Variants in GRIA4 observed in about 807,000 individuals in gnomAD.
GRIA4 encodes glutamate ionotropic receptor AMPA type subunit 4.
Under a neutral mutation model 104.0 loss-of-function variants are expected in GRIA4, and 34 were observed. The ratio of observed to expected loss-of-function variants is 0.33; its 90% CI spans 0.25 to 0.44. GRIA4 has a LOEUF of 0.44. Among genes scored for constraint, GRIA4 ranks in the 20% least tolerant of loss-of-function variants. The pLI is 1.00. For synonymous variants in GRIA4, 386 were observed against 381.9 expected (o/e 1.01, Z -0.13); for missense variants, 750 against 1,096.5 (o/e 0.68, Z 4.46).
intron 4 of GRIA4, among the ~76,000 whole-genome samples, chr11:105,801,311 C>T (rs1365017297): frequency 6.6e-6 from 1 of 151,400 alleles, no homozygotes; most frequent in Non-Finnish European, 1.5e-5. Context: ...AATGTTAAGC[C>T]TCAATAAACT....
chr11:105,656,507 G>T (rs1245703613), intron 3 of GRIA4, among the ~76,000 whole-genome samples: 2 of 152,014 alleles, frequency 1.3e-5, no homozygotes, highest in Admixed American at 6.6e-5. Flanking sequence ...GCCAACAAAA[G>T]CCAAAATTGA....
intron 3 of GRIA4, among the ~76,000 whole-genome samples, chr11:105,752,228 C>T (rs1439493381): frequency 6.6e-6 from 1 of 152,148 alleles, no homozygotes; most frequent in East Asian, 1.9e-4. Flanking sequence ...AGGCCGTGTA[C>T]CTGTTTCTCT....
chr11:105,612,339 A>G lies in GRIA4; in HGVS notation c.152A>G (p.His51Arg). ...YTAFRLAIFL[H>R]NTSPNASEAP... Reference sequence around the variant, plus strand: ...GCTTTTCGATTAGCAATTTTTCTTCATAACACCAGCCCCAATGCGTCGGAA... The same window carrying G: ...GCTTTTCGATTAGCAATTTTTCTTCGTAACACCAGCCCCAATGCGTCGGAA... Residue 51 changes from histidine to arginine, a missense_variant, in exon 3 of 17, where the codon CAT becomes CGT. His to Arg is a conservative substitution (Grantham distance 29). Around this residue, in one of 3 missense-constraint regions of GRIA4, gnomAD observed 410 missense variants for 502.7 expected, o/e 0.82. Transcript: ENST00000282499. 2 of 1,614,132 alleles carry G rather than the reference A, an allele frequency of 1.2e-6. No homozygotes were observed. Among genetic ancestry groups the G allele is most frequent in the African/African-American group, 1.3e-5 (1 of 75,068 alleles).
Position 105,924,696 on chromosome 11 carries a change from G to A in GRIA4, c.1774G>A (p.Glu592Lys), listed in dbSNP as rs1298038187. The change falls in exon 12 of 17, where the codon GAG (glutamate) becomes AAG (lysine). Residue 592 changes from glutamate to lysine, a missense_variant. Glu to Lys is a moderately conservative substitution (Grantham distance 56). Around this residue, in one of 3 missense-constraint regions of GRIA4, gnomAD observed 272 missense variants for 524.5 expected, o/e 0.52. Coordinates refer to ENST00000282499, the MANE Select transcript of GRIA4 (RefSeq NM_000829.4). ...KEGPSDQPPN[E>K]FGIFNSLWFS... ...AGGACCCAGCGACCAGCCTCCCAATGAGTTTGGCATCTTTAACAGCCTCTG... is the reference window on the plus strand; with the variant it reads ...AGGACCCAGCGACCAGCCTCCCAATAAGTTTGGCATCTTTAACAGCCTCTG... 5 of 1,612,742 alleles carry A rather than the reference G, an allele frequency of 3.1e-6. No individual in the cohort carries two copies. The highest frequency in any genetic ancestry group is 1.3e-5 in the African/African-American group (1 of 74,956).
intron 3 of GRIA4, among the ~76,000 whole-genome samples, chr11:105,642,311 A>T (rs774154096): frequency 6.6e-6 from 1 of 152,116 alleles, no homozygotes; most frequent in Non-Finnish European, 1.5e-5. Flanking sequence ...GTTAAACTGC[A>T]TCATTCATGG....
At chr11:105,938,236 T>A (rs970629799) in intron 14 of GRIA4, among the ~76,000 whole-genome samples, 1 of 152,180 alleles carries the variant, frequency 6.6e-6, no homozygotes. Flanking sequence ...CATATAAAAT[T>A]TGTGGGATAT....
At chr11:105,973,493 C>A (rs1565374379) in intron 15 of GRIA4, among the ~76,000 whole-genome samples, 1 of 151,746 alleles carries the variant, frequency 6.6e-6, no homozygotes, top group Non-Finnish European at 1.5e-5. Context: ...AATAATATCT[C>A]TAAAATATTA....
At chr11:105,655,074 G>A (rs1951801586) in intron 3 of GRIA4, among the ~76,000 whole-genome samples, 1 of 152,010 alleles carries the variant, frequency 6.6e-6, no homozygotes, top group Non-Finnish European at 1.5e-5. Context: ...TGTGACTAAG[G>A]CAATATCCAC....
In GRIA4 at chr11:105,924,785, C is replaced by T. The variant is rs756288986; in HGVS notation, c.1847+16C>T. The T allele has an allele frequency of 1.3e-6, 2 of 1,554,398 alleles. No homozygotes were observed. Among genetic ancestry groups the T allele is most frequent in the Non-Finnish European group, 8.8e-7 (1 of 1,142,472 alleles). ...TTTCACCCAGGTTAGTTTCAAATCT[C>T]TTAAGTTCTTCACTGATTTCCCAGT... On this transcript the variant is annotated intron_variant, in intron 12 of 16. Coordinates refer to ENST00000282499, the MANE Select transcript of GRIA4 (RefSeq NM_000829.4).
chr11:105,625,225 ACT>A (rs1442574678), intron 3 of GRIA4, among the ~76,000 whole-genome samples: 1 of 151,882 alleles, frequency 6.6e-6, no homozygotes, highest in African/African-American at 2.4e-5. Flanking sequence ...CGTACTAAAG[ACT>A]CTATCATGAA....
intron 3 of GRIA4, among the ~76,000 whole-genome samples, chr11:105,689,695 T>G (rs764485019): frequency 6.6e-6 from 1 of 152,200 alleles, no homozygotes; most frequent in Non-Finnish European, 1.5e-5. Flanking sequence ...ACAGGACATT[T>G]AGCTTTCTGA....
At chr11:105,943,997 A>G (rs1948245009) in intron 14 of GRIA4, among the ~76,000 whole-genome samples, 1 of 152,192 alleles carries the variant, frequency 6.6e-6, no homozygotes, top group African/African-American at 2.4e-5. Context: ...CCAAGGAAGA[A>G]CACAAAGGAA....
chr11:105,627,172 A>G (rs1213726571), intron 3 of GRIA4, among the ~76,000 whole-genome samples: 1 of 152,238 alleles, frequency 6.6e-6, no homozygotes, highest in Non-Finnish European at 1.5e-5. Context: ...AGATTCTGCT[A>G]TACTCTAAAG....
intron 3 of GRIA4, among the ~76,000 whole-genome samples, chr11:105,736,315 G>C (rs1690397891): frequency 6.6e-6 from 1 of 152,058 alleles, no homozygotes; most frequent in South Asian, 2.1e-4. Context: ...TCTTCATTTA[G>C]AGTAAATTAA....
chr11:105,620,715 C>A (rs1255738238), intron 3 of GRIA4, among the ~76,000 whole-genome samples: 1 of 151,772 alleles, frequency 6.6e-6, no homozygotes, highest in African/African-American at 2.4e-5. Context: ...TAAACACAAC[C>A]AAGTGTAAAA....
At chr11:105,720,190 T>C (rs1042401961) in intron 3 of GRIA4, among the ~76,000 whole-genome samples, 5 of 151,904 alleles carry the variant, frequency 3.3e-5, no homozygotes, top group African/African-American at 9.7e-5. Context: ...AATTTCCTCA[T>C]AAAATTTCAT....
chr11:105,829,954 C>T (rs1029797729), intron 4 of GRIA4, among the ~76,000 whole-genome samples: 23 of 151,822 alleles, frequency 1.5e-4, no homozygotes, highest in African/African-American at 5.6e-4. Flanking sequence ...TTATTTTGAT[C>T]ACTATAAAAC....
intron 3 of GRIA4, among the ~76,000 whole-genome samples, chr11:105,661,711 A>G (rs1209501375): frequency 2.0e-5 from 3 of 151,842 alleles, no homozygotes; most frequent in Admixed American, 1.3e-4. Context: ...AGGAATAGAT[A>G]AGCAGCATGG....
At chr11:105,627,162 A>G (rs765957959) in intron 3 of GRIA4, among the ~76,000 whole-genome samples, 1 of 152,184 alleles carries the variant, frequency 6.6e-6, no homozygotes, top group East Asian at 1.9e-4. Flanking sequence ...AAGACGCATG[A>G]GATTCTGCTA....
Sources: gnomAD v4.1 joint callset for allele counts (sites outside exome capture counted in the v4.1 genomes callset) on GRCh38, gnomAD v4.1.1 for gene constraint, gnomAD v4.1.1 regional missense constraint, MANE v1.5 for transcripts, NCBI Gene and HGNC (gene_info 2026-07-23, HGNC 2026-07-21) for gene names.